NRXN3: variants seen among roughly 807,000 people sequenced by gnomAD.
NRXN3 encodes neurexin 3.
A neutral mutation model predicts 137.6 loss-of-function variants in NRXN3; 32 were observed. That is an observed-to-expected ratio of 0.23 (90% confidence interval 0.18 to 0.31). The LOEUF (loss-of-function observed/expected upper bound fraction) is 0.31. NRXN3 is among the 10% of genes least tolerant of loss of function. The pLI, the probability that NRXN3 is intolerant of heterozygous loss-of-function variation, is 1.00. For missense variants in NRXN3, 1,574 were observed against 2,062.5 expected, an observed-to-expected ratio of 0.76 and a Z score of 4.59; for synonymous variants, 798 against 784.5, an observed-to-expected ratio of 1.02 and a Z score of -0.29.
intron 15 of NRXN3, among the ~76,000 whole-genome samples, chr14:79,013,619 CTT>C (rs1281360199): frequency 1.3e-5 from 2 of 152,134 alleles, no homozygotes; most frequent in African/African-American, 2.4e-5. Flanking sequence ...ATTAGACTGA[CTT>C]TGCTTTCCCT....
chr14:78,991,725 A>G (rs1244903167), intron 15 of NRXN3, among the ~76,000 whole-genome samples: 2 of 152,170 alleles, frequency 1.3e-5, no homozygotes, highest in African/African-American at 4.8e-5. Flanking sequence ...ATTTTAGGGT[A>G]TTCCTTTTTC....
At chr14:79,812,214 T>C (rs1257293351) in intron 20 of NRXN3, among the ~76,000 whole-genome samples, 1 of 152,186 alleles carries the variant, frequency 6.6e-6, no homozygotes, top group African/African-American at 2.4e-5. Context: ...ATAAAATCAA[T>C]GTATGAGTGT....
intron 1 of NRXN3, among the ~76,000 whole-genome samples, chr14:78,195,803 G>A (rs1387401044): frequency 6.6e-6 from 1 of 152,196 alleles, no homozygotes; most frequent in African/African-American, 2.4e-5. Flanking sequence ...CAAACCCATG[G>A]TTTTTCTACT....
At chr14:79,532,672 C>T (rs1320626747) in intron 16 of NRXN3, among the ~76,000 whole-genome samples, 1 of 152,128 alleles carries the variant, frequency 6.6e-6, no homozygotes, top group Non-Finnish European at 1.5e-5. Context: ...GTATCAGGCA[C>T]CAATATAACC....
intron 2 of NRXN3, among the ~76,000 whole-genome samples, chr14:78,259,139 A>G (rs1006159217): frequency 3.3e-5 from 5 of 151,896 alleles, no homozygotes; most frequent in African/African-American, 1.2e-4. Flanking sequence ...CTCAAAAAAA[A>G]AAAAAAAGAA....
chr14:78,948,429 C>T (rs574319616), intron 10 of NRXN3, among the ~76,000 whole-genome samples: 77 of 152,250 alleles, frequency 5.1e-4, no homozygotes, highest in African/African-American at 1.9e-3. Flanking sequence ...TTAGAGAAGG[C>T]CCAAGGGCTG....
chr14:78,870,460 G>A (rs1215828520), intron 10 of NRXN3, among the ~76,000 whole-genome samples: 6 of 152,118 alleles, frequency 3.9e-5, no homozygotes, highest in African/African-American at 1.4e-4. Context: ...CCTGCCATGT[G>A]TAATGATCAA....
intron 17 of NRXN3, among the ~76,000 whole-genome samples, chr14:79,686,261 G>C (rs1181422458): frequency 6.6e-6 from 1 of 151,960 alleles, no homozygotes; most frequent in Admixed American, 6.6e-5. Flanking sequence ...AAAGATAGTT[G>C]GACATGATAA....
chr14:79,840,350 A>G (rs2141434498), intron 20 of NRXN3, among the ~76,000 whole-genome samples: 1 of 152,304 alleles, frequency 6.6e-6, no homozygotes, highest in Admixed American at 6.5e-5. Context: ...TAGTATGTCT[A>G]GCTTAGGTAA....
intron 17 of NRXN3, among the ~76,000 whole-genome samples, chr14:79,678,398 A>G (rs1459810049): frequency 3.3e-5 from 5 of 152,196 alleles, no homozygotes; most frequent in African/African-American, 9.6e-5. Context: ...TAGAAACTGA[A>G]TAATAGGACT....
chr14:79,774,040 T>G (rs1317857045), intron 19 of NRXN3, among the ~76,000 whole-genome samples: 1 of 152,120 alleles, frequency 6.6e-6, no homozygotes, highest in Non-Finnish European at 1.5e-5. Flanking sequence ...AAAAGAACCC[T>G]AGTAGACTGT....
chr14:79,054,113 A>T (rs541319878), intron 15 of NRXN3, among the ~76,000 whole-genome samples: 1 of 144,792 alleles, frequency 6.9e-6, no homozygotes, highest in South Asian at 2.3e-4. Flanking sequence ...TGAACAATGA[A>T]AACACATGGA....
At chr14:79,718,813 T>G (rs2098832452) in intron 19 of NRXN3, among the ~76,000 whole-genome samples, 1 of 152,206 alleles carries the variant, frequency 6.6e-6, no homozygotes, top group Non-Finnish European at 1.5e-5. Flanking sequence ...ATCTATAAAG[T>G]ACTTCTCATC....
chr14:78,974,200 A>G (rs1427845396), intron 14 of NRXN3, among the ~76,000 whole-genome samples: 1 of 152,232 alleles, frequency 6.6e-6, no homozygotes, highest in African/African-American at 2.4e-5. Flanking sequence ...AGAAAGATCC[A>G]CTATGTATTT....
chr14:78,248,552 A>C (rs1009627555), intron 2 of NRXN3, among the ~76,000 whole-genome samples: 1 of 152,038 alleles, frequency 6.6e-6, no homozygotes, highest in African/African-American at 2.4e-5. Context: ...CAGAGACATC[A>C]GATACTGTAG....
At chr14:79,760,420 C>G (rs957349557) in intron 19 of NRXN3, among the ~76,000 whole-genome samples, 1 of 146,950 alleles carries the variant, frequency 6.8e-6, no homozygotes, top group Admixed American at 6.7e-5. Flanking sequence ...GATAACTTAA[C>G]CTTTTTTTTT....
At chr14:79,708,982 T>A (rs537084349) in intron 19 of NRXN3, among the ~76,000 whole-genome samples, 2,575 of 150,240 alleles carry the variant, frequency 0.017, 33 homozygotes, top group Non-Finnish European at 0.022. Flanking sequence ...TGTGTGTGTG[T>A]GAGAGAGAGA....
chr14:79,213,625 T>TGGGG (rs900441550), intron 15 of NRXN3, among the ~76,000 whole-genome samples: 3 of 138,064 alleles, frequency 2.2e-5, no homozygotes, highest in African/African-American at 8.0e-5. Context: ...CCTTTTTTTT[T>TGGGG]GGGGGGGGGT....
intron 15 of NRXN3, among the ~76,000 whole-genome samples, chr14:79,436,332 T>C (rs1378965459): frequency 6.6e-6 from 1 of 152,240 alleles, no homozygotes; most frequent in Non-Finnish European, 1.5e-5. Flanking sequence ...ATAAAAACAC[T>C]TTTCCTTTCC....
Sources: gnomAD v4.1 joint callset for allele counts (sites outside exome capture counted in the v4.1 genomes callset) on GRCh38, gnomAD v4.1.1 for gene constraint, MANE v1.5 for transcripts, NCBI Gene and HGNC (gene_info 2026-07-23, HGNC 2026-07-21) for gene names.